The following SGCZ variants were observed in gnomAD, a reference collection of about 807,000 sequenced individuals.
SGCZ encodes zeta-sarcoglycan.
SGCZ carries 40 observed loss-of-function variants against 41.3 expected under a neutral mutation model. The ratio of observed to expected loss-of-function variants is 0.97; its 90% confidence interval spans 0.75 to 1.26. The LOEUF is 1.26. SGCZ is among the 50% of genes most tolerant of loss of function. The pLI is 0.00. For synonymous variants in SGCZ, 206 were observed against 137.5 expected (o/e 1.50, Z -3.49); for missense variants, 552 against 369.8 (o/e 1.49, Z -4.04).
At chr8:14,146,871 C>CAAAAAAA (rs66592259) in intron 5 of SGCZ, among the ~76,000 whole-genome samples, 1 of 74,884 alleles carries the variant, frequency 1.3e-5, no homozygotes, top group African/African-American at 5.4e-5. Flanking sequence ...GACTCCGTCT[C>CAAAAAAA]AAAAAATAAA....
chr8:14,529,621 C>T (rs1803063398), intron 2 of SGCZ, among the ~76,000 whole-genome samples: 1 of 152,018 alleles, frequency 6.6e-6, no homozygotes, highest in South Asian at 2.1e-4. Context: ...GTTAATGTAC[C>T]CATATTACAA....
At chr8:14,861,566 A>G (rs1009157101) in intron 1 of SGCZ, among the ~76,000 whole-genome samples, 2 of 152,156 alleles carry the variant, frequency 1.3e-5, no homozygotes, top group African/African-American at 4.8e-5. Context: ...TAATTAAAAT[A>G]CTAATTTTTC....
intron 2 of SGCZ, among the ~76,000 whole-genome samples, chr8:14,532,824 A>G (rs1803175889): frequency 6.6e-6 from 1 of 151,584 alleles, no homozygotes; most frequent in African/African-American, 2.4e-5. Flanking sequence ...CCGACTCACT[A>G]CTAATAATTT....
chr8:14,999,547 G>C (rs1347525790), intron 1 of SGCZ, among the ~76,000 whole-genome samples: 2 of 152,164 alleles, frequency 1.3e-5, no homozygotes, highest in Non-Finnish European at 2.9e-5. Context: ...TTAGGGTCGA[G>C]AAAAAGGAGG....
intron 1 of SGCZ, among the ~76,000 whole-genome samples, chr8:15,048,676 C>T (rs1804403528): frequency 6.6e-6 from 1 of 152,056 alleles, no homozygotes; most frequent in African/African-American, 2.4e-5. Flanking sequence ...AAAATTTAAA[C>T]TGAATTCACT....
At chr8:14,606,368 A>G (rs763430059) in intron 1 of SGCZ, among the ~76,000 whole-genome samples, 5 of 152,164 alleles carry the variant, frequency 3.3e-5, no homozygotes, top group Non-Finnish European at 5.9e-5. Flanking sequence ...TCTAGCCACA[A>G]TGGCTTTGTA....
intron 2 of SGCZ, among the ~76,000 whole-genome samples, chr8:14,325,111 A>C (rs923941443): frequency 2.6e-5 from 4 of 152,296 alleles, no homozygotes; most frequent in Non-Finnish European, 5.9e-5. Flanking sequence ...AAAAGAAGAC[A>C]CTATAAAGGT....
chr8:15,057,941 C>G (rs1260224799), intron 1 of SGCZ, among the ~76,000 whole-genome samples: 1 of 152,178 alleles, frequency 6.6e-6, no homozygotes, highest in African/African-American at 2.4e-5. Flanking sequence ...TGAAGATACT[C>G]TTGCCATAAG....
intron 1 of SGCZ, among the ~76,000 whole-genome samples, chr8:15,106,712 G>A (rs1806838755): frequency 6.6e-6 from 1 of 151,850 alleles, no homozygotes; most frequent in Admixed American, 6.6e-5. Flanking sequence ...TTAATTCTTA[G>A]TTTGTAATAC....
At chr8:15,032,190 A>G (rs1803698860) in intron 1 of SGCZ, among the ~76,000 whole-genome samples, 1 of 152,166 alleles carries the variant, frequency 6.6e-6, no homozygotes, top group South Asian at 2.1e-4. Context: ...CACACCCCAC[A>G]GAAACATCAA....
intron 1 of SGCZ, among the ~76,000 whole-genome samples, chr8:15,107,118 T>C (rs183689702): frequency 4.0e-4 from 61 of 152,332 alleles, no homozygotes; most frequent in Non-Finnish European, 4.4e-4. Context: ...TTAATATTTG[T>C]ATTACTTTAT....
chr8:15,212,502 C>A (rs1801264991), intron 1 of SGCZ, among the ~76,000 whole-genome samples: 1 of 152,032 alleles, frequency 6.6e-6, no homozygotes, highest in Non-Finnish European at 1.5e-5. Context: ...GGAATTATTT[C>A]CTTGATAGTA....
At position 14,415,108 on chromosome 8, in the gene SGCZ, T is replaced by C. The variant is rs186882595; in HGVS notation, c.235-90904A>G. Among the ~76,000 whole-genome samples, 947 of 152,054 alleles carry C rather than the reference T, an allele frequency of 6.2e-3. 12 individuals carry two copies. Among genetic ancestry groups the C allele is most frequent in the African/African-American group, 0.022 (906 of 41,566 alleles). ...ACAATCCCCTGAAGTAAAACTGTTC[T>C]GTAATTTCAGTGACTTTCAAAGAAA... is the stretch of plus-strand genomic sequence containing the variant. On this transcript the variant is annotated intron_variant, in intron 2 of 7. Coordinates refer to ENST00000382080, the MANE Select transcript of SGCZ (RefSeq NM_139167.4).
At chr8:14,878,307 T>C (rs1022270194) in intron 1 of SGCZ, among the ~76,000 whole-genome samples, 11 of 152,008 alleles carry the variant, frequency 7.2e-5, no homozygotes, top group Admixed American at 3.3e-4. Flanking sequence ...ACCAGCCATG[T>C]TTGAAACAAA....
At chr8:14,623,340 T>C (rs1806346381) in intron 1 of SGCZ, among the ~76,000 whole-genome samples, 1 of 152,118 alleles carries the variant, frequency 6.6e-6, no homozygotes, top group Non-Finnish European at 1.5e-5. Context: ...AAATAGTACT[T>C]GAATATTTTT....
intron 2 of SGCZ, among the ~76,000 whole-genome samples, chr8:14,412,572 C>G (rs753308882): frequency 1.5e-4 from 23 of 152,038 alleles, no homozygotes; most frequent in African/African-American, 5.3e-4. Flanking sequence ...AACACATACT[C>G]TGCATTAACT....
At chr8:15,091,719 G>C (rs932567443) in intron 1 of SGCZ, among the ~76,000 whole-genome samples, 1 of 151,980 alleles carries the variant, frequency 6.6e-6, no homozygotes, top group African/African-American at 2.4e-5. Flanking sequence ...AGACATTATA[G>C]CAAAAGTTCA....
intron 1 of SGCZ, among the ~76,000 whole-genome samples, chr8:15,202,742 C>T (rs547394335): frequency 3.9e-5 from 6 of 152,102 alleles, no homozygotes; most frequent in Admixed American, 6.6e-5. Flanking sequence ...ATAGTAGGAA[C>T]TATCAATACC....
intron 1 of SGCZ, among the ~76,000 whole-genome samples, chr8:15,104,356 T>A (rs537550967): frequency 3.3e-5 from 5 of 152,144 alleles, no homozygotes; most frequent in Non-Finnish European, 7.3e-5. Flanking sequence ...CTACAAGGAT[T>A]TGTAAAGTCA....
Sources: gnomAD v4.1 joint callset for allele counts (sites outside exome capture counted in the v4.1 genomes callset) on GRCh38, gnomAD v4.1.1 for gene constraint, MANE v1.5 for transcripts, NCBI Gene and HGNC (gene_info 2026-07-23, HGNC 2026-07-21) for gene names.